The following UBR2 variants were observed in gnomAD, a reference collection of about 807,000 sequenced individuals.
The protein encoded by UBR2 is E3 ubiquitin-protein ligase UBR2.
In UBR2, 92 loss-of-function variants were observed where a neutral mutation model predicts 247.9. The observed-to-expected ratio is 0.37, with a 90% confidence interval of 0.31 to 0.44. The LOEUF (loss-of-function observed/expected upper bound fraction) is 0.44, where lower values mean the gene tolerates loss of function less well. Ranked by LOEUF, UBR2 falls within the 20% of genes least tolerant of loss-of-function variation. The probability of loss-of-function intolerance (pLI) is 1.00; values close to 1 mark genes in which losing one functional copy is unlikely to be tolerated. For missense variants in UBR2, 1,613 were observed against 2,112.6 expected, an observed-to-expected ratio of 0.76 and a Z score of 4.64; for synonymous variants, 672 against 693.5, an observed-to-expected ratio of 0.97 and a Z score of 0.49.
chr6:42,612,389 C>T, intron 8 of UBR2, 98 bp downstream of exon 8: 1 of 1,258,354 alleles, frequency 7.9e-7, no homozygotes. Context: ...GAATAATTTC[C>T]TGCTTTAATT....
At chr6:42,658,385 AT>A in intron 28 of UBR2, 65 bp downstream of exon 28, 1 of 1,420,026 alleles carries the variant, frequency 7.0e-7, no homozygotes, top group Non-Finnish European at 9.6e-7. Context: ...AACAAAATAA[AT>A]TTATCTACAT....
chr6:42,571,919 G>A (rs745578603), intron 1 of UBR2, among the ~76,000 whole-genome samples: 27 of 151,754 alleles, frequency 1.8e-4, no homozygotes, highest in Admixed American at 7.9e-4. Flanking sequence ...TTTAAAACTT[G>A]TCCTCTTTAT....
At chr6:42,564,495 C>A in intron 1 of UBR2, 98 bp downstream of exon 1, 2 of 1,362,964 alleles carry the variant, frequency 1.5e-6, no homozygotes, top group Non-Finnish European at 2.0e-6. Flanking sequence ...CCGACCCAGA[C>A]TTGGGGAAAC....
Position 42,659,213 on chromosome 6 carries a change from T to C in UBR2, c.3242+389T>C, listed in dbSNP as rs960731134. On this transcript the variant is annotated intron_variant, in intron 29 of 46. Transcript: ENST00000372901. This position sits in a 1 kb window ranked among gnomAD's most constrained non-coding sequence, Gnocchi z 4.3. ...ACCATGTGTTAAATATATACATTCC[T>C]GGCTGTGCGTGGTGGCTCACGCCTG... 6.6e-6 allele frequency among the ~76,000 whole-genome samples: 1 copy of C among 152,086 alleles called. No individual in the cohort carries two copies. Among genetic ancestry groups the C allele is most frequent in the Non-Finnish European group, 1.5e-5 (1 of 68,012 alleles).
At chr6:42,683,333 A>T (rs1235229956) in intron 43 of UBR2, among the ~76,000 whole-genome samples, 1 of 152,216 alleles carries the variant, frequency 6.6e-6, no homozygotes, top group African/African-American at 2.4e-5. Flanking sequence ...GCAAATAACA[A>T]AGTTATATTT....
chr6:42,679,776 C>T lies in UBR2; in HGVS notation c.4662C>T (p.Asn1554=). The T allele has an allele frequency of 2.5e-6, 4 of 1,613,682 alleles. No homozygotes were observed. Among genetic ancestry groups the T allele is most frequent in the Non-Finnish European group, 3.4e-6 (4 of 1,179,884 alleles). The change falls in exon 42 of 47, where the codon AAC becomes AAT. Residue 1554 remains asparagine (N), a synonymous_variant. Coordinates refer to ENST00000372901, the MANE Select transcript of UBR2 (RefSeq NM_001363705.2). ...EHLCSYLSLP[N]NLICLFQENS... is the part of the protein sequence containing the mutation. Reference sequence around the variant, plus strand: ...TATGTAGCTATCTTTCCCTACCAAACAACCTCATTTGCCTTTTTCAAGAAA... The same window carrying T: ...TATGTAGCTATCTTTCCCTACCAAATAACCTCATTTGCCTTTTTCAAGAAA...
intron 1 of UBR2, among the ~76,000 whole-genome samples, chr6:42,567,209 C>T (rs1414933736): frequency 6.6e-6 from 1 of 152,134 alleles, no homozygotes; most frequent in Admixed American, 6.5e-5. Flanking sequence ...GGAGGAAGAA[C>T]TTTTTGTGAT....
Position 42,679,715 on chromosome 6 carries a change from C to G in UBR2, c.4610-9C>G. On this transcript the variant is annotated splice_polypyrimidine_tract_variant and intron_variant, in intron 41 of 46. Transcript: ENST00000372901. Reference sequence around the variant, plus strand: ...TTATATGCACTCTTTTCTTGTTCTTCATTTGCAGTTCCTGGAACAAGCCAT... The same window carrying G: ...TTATATGCACTCTTTTCTTGTTCTTGATTTGCAGTTCCTGGAACAAGCCAT... 6.3e-7 allele frequency: 1 copy of G among 1,595,034 alleles called. No homozygotes were observed. The highest frequency in any genetic ancestry group is 8.6e-7 in the Non-Finnish European group (1 of 1,163,320).
At chr6:42,592,128 A>AT (rs3834849) in intron 2 of UBR2, 23 bp from the exon 3 acceptor site, 21,249 of 1,102,998 alleles carry the variant, frequency 0.019, no homozygotes, top group Non-Finnish European at 0.021. Flanking sequence ...TGACACTTTG[A>AT]TTTTTTTTTT....
chr6:42,679,749 T>A lies in UBR2; in HGVS notation c.4635T>A (p.His1545Gln). 1 of 1,613,476 alleles carries A rather than the reference T, an allele frequency of 6.2e-7. No homozygotes were observed. The highest frequency in any genetic ancestry group is 8.5e-7 in the Non-Finnish European group (1 of 1,179,784). ...TTCCTGGAACAAGCCATTTTGAACA[T>A]TTATGTAGCTATCTTTCCCTACCAA... ...IQVPGTSHFE[H>Q]LCSYLSLPNN... Residue 1545 changes from histidine (H) to glutamine (Q), a missense_variant, in exon 42 of 47, where the codon CAT becomes CAA. This residue lies in a region of UBR2 where 1,524 missense variants were observed against 1,967.3 expected (regional missense o/e 0.77). Coordinates refer to ENST00000372901, the MANE Select transcript of UBR2 (RefSeq NM_001363705.2).
intron 14 of UBR2, 88 bp from the exon 15 acceptor site, chr6:42,636,923 G>T: frequency 7.1e-7 from 1 of 1,402,112 alleles, no homozygotes. Flanking sequence ...TGTTATTTGA[G>T]GTACTTACTC....
At chr6:42,586,231 G>A (rs1792250191) in intron 2 of UBR2, among the ~76,000 whole-genome samples, 2 of 151,774 alleles carry the variant, frequency 1.3e-5, no homozygotes, top group Non-Finnish European at 1.5e-5. Flanking sequence ...AAATTAGCTG[G>A]ACATAGTGGA....
intron 14 of UBR2, 30 bp from the exon 15 acceptor site, chr6:42,636,981 A>C (rs772847905): frequency 1.3e-6 from 2 of 1,593,242 alleles, no homozygotes; most frequent in South Asian, 1.1e-5. Context: ...CAACCTTTTG[A>C]GTAACTTACA....
intron 5 of UBR2, among the ~76,000 whole-genome samples, chr6:42,605,163 A>G (rs1793624630): frequency 1.3e-5 from 2 of 152,096 alleles, no homozygotes; most frequent in African/African-American, 4.8e-5. Context: ...TTGCCACCTT[A>G]GCACCTTTGC....
In UBR2 at chr6:42,689,789, G is replaced by C. The variant is rs1799650170; in HGVS notation, c.5126+119G>C. On this transcript the variant is annotated intron_variant, in intron 46 of 46. Coordinates refer to ENST00000372901, the MANE Select transcript of UBR2 (RefSeq NM_001363705.2). This position sits in a 1 kb window ranked among gnomAD's most constrained non-coding sequence, Gnocchi z 4.0. ...AAGAGGTGGCTGTGTTATCTGTGGAGTCTTCCAAGGAGGGTGCCCTGTCAG... is the reference window on the plus strand; with the variant it reads ...AAGAGGTGGCTGTGTTATCTGTGGACTCTTCCAAGGAGGGTGCCCTGTCAG... 3.4e-6 allele frequency: 3 copies of C among 879,022 alleles called. No homozygotes were observed. Among genetic ancestry groups the C allele is most frequent in the Middle Eastern group, 2.9e-4 (1 of 3,492 alleles). 54.5% of individuals were successfully genotyped at this position (879,022 alleles called of 1,614,324 possible).
At position 42,652,591 on chromosome 6, in the gene UBR2, G is replaced by T. The variant is rs746977706; in HGVS notation, c.2715G>T (p.Leu905=). ...DVMLCIMGTI[L]QWAVEHNGYA... is the part of the protein sequence containing the mutation. The stretch of plus-strand genomic sequence containing the variant: ...TGTTGTGCATCATGGGAACAATTCT[G>T]CAATGGGCTGTGGAACATAATGGAT... Residue 905 remains leucine (L), a synonymous_variant, in exon 25 of 47, where the codon CTG becomes CTT. Coordinates refer to ENST00000372901, the MANE Select transcript of UBR2 (RefSeq NM_001363705.2). 3 of 1,613,796 alleles carry T rather than the reference G, an allele frequency of 1.9e-6. No homozygotes were observed. The highest frequency in any genetic ancestry group is 2.5e-6 in the Non-Finnish European group (3 of 1,179,970).
At chr6:42,666,700 A>G (rs1051683542) in intron 34 of UBR2, among the ~76,000 whole-genome samples, 1 of 152,100 alleles carries the variant, frequency 6.6e-6, no homozygotes, top group African/African-American at 2.4e-5. Context: ...TCCCCAATGA[A>G]TCCCGCACTT....
At chr6:42,671,790 G>T (rs1011056127) in intron 36 of UBR2, among the ~76,000 whole-genome samples, 1 of 152,032 alleles carries the variant, frequency 6.6e-6, no homozygotes, top group Non-Finnish European at 1.5e-5. Context: ...AACCTCCAGA[G>T]TTCTGCCATC....
intron 38 of UBR2, among the ~76,000 whole-genome samples, chr6:42,674,623 G>A (rs779143854): frequency 6.6e-5 from 10 of 152,056 alleles, no homozygotes; most frequent in East Asian, 3.9e-4. Context: ...TTAGCTGGGC[G>A]TGGTGGCACA....
Sources: allele counts gnomAD v4.1 joint callset (sites outside exome capture counted in the v4.1 genomes callset), GRCh38; gene constraint gnomAD v4.1.1; regional missense constraint gnomAD v4.1.1; non-coding constraint Gnocchi (gnomAD v3.1); transcripts MANE v1.5; gene names NCBI Gene and HGNC (gene_info 2026-07-23, HGNC 2026-07-21).